Variants in CNTN5 observed in about 807,000 individuals in gnomAD.
The protein encoded by CNTN5 is contactin-5.
A neutral mutation model predicts 129.1 loss-of-function variants in CNTN5; 77 were observed. That is an observed-to-expected ratio of 0.60 (90% CI 0.50 to 0.72). The LOEUF is 0.72. CNTN5 is among the 30% of genes least tolerant of loss of function. The pLI, the probability that CNTN5 is intolerant of heterozygous loss-of-function variation, is 0.00. For missense variants in CNTN5, 1,478 were observed against 1,328.8 expected (o/e 1.11, Z -1.75); for synonymous variants, 509 against 465.6 (o/e 1.09, Z -1.20).
At chr11:99,887,263 G>A (rs562624895) in intron 6 of CNTN5, among the ~76,000 whole-genome samples, 1 of 152,322 alleles carries the variant, frequency 6.6e-6, no homozygotes, top group African/African-American at 2.4e-5. Context: ...TGTGGTCTCT[G>A]CTAATGAGAC....
chr11:99,111,322 G>A (rs1435033598), intron 1 of CNTN5, among the ~76,000 whole-genome samples: 4 of 151,928 alleles, frequency 2.6e-5, no homozygotes, highest in Non-Finnish European at 4.4e-5. Context: ...GTGTGTTTGT[G>A]TATATCCTTG....
intron 1 of CNTN5, among the ~76,000 whole-genome samples, chr11:99,099,123 T>G (rs181786891): frequency 6.6e-6 from 1 of 152,200 alleles, no homozygotes; most frequent in East Asian, 1.9e-4. Context: ...GTCAATTACA[T>G]TGCACAGAAA....
chr11:99,673,466 T>G (rs671478), intron 3 of CNTN5, among the ~76,000 whole-genome samples: 1 of 152,076 alleles, frequency 6.6e-6, no homozygotes, highest in Non-Finnish European at 1.5e-5. Context: ...TTCAGGGATA[T>G]GTGTGCAGGA....
At chr11:99,753,075 G>A (rs566822087) in intron 3 of CNTN5, among the ~76,000 whole-genome samples, 3 of 149,386 alleles carry the variant, frequency 2.0e-5, no homozygotes, top group Admixed American at 6.7e-5. Context: ...GAATGTGTGG[G>A]TCTGAGATCC....
chr11:100,090,556 C>T (rs1025786145), intron 13 of CNTN5, among the ~76,000 whole-genome samples: 15 of 112,010 alleles, frequency 1.3e-4, no homozygotes, highest in Non-Finnish European at 2.0e-4. Flanking sequence ...CCTTCCCTCC[C>T]TCCCTCCCTC....
At chr11:99,320,646 A>C (rs985327053) in intron 1 of CNTN5, among the ~76,000 whole-genome samples, 8 of 152,186 alleles carry the variant, frequency 5.3e-5, no homozygotes, top group African/African-American at 1.9e-4. Context: ...GAAAGGAAAA[A>C]GTATGATGTA....
intron 3 of CNTN5, among the ~76,000 whole-genome samples, chr11:99,568,458 G>C (rs1337067429): frequency 6.6e-6 from 1 of 152,156 alleles, no homozygotes; most frequent in African/African-American, 2.4e-5. Context: ...TTGTTTTACT[G>C]CTTAGCACGA....
intron 13 of CNTN5, among the ~76,000 whole-genome samples, chr11:100,083,317 C>CA (rs71050046): frequency 0.39 from 50,093 of 127,648 alleles, 9,367 homozygotes; most frequent in East Asian, 0.46. Flanking sequence ...AACTCTGTCT[C>CA]AAAAAAAAAA....
intron 7 of CNTN5, among the ~76,000 whole-genome samples, chr11:99,946,853 C>T (rs1297288340): frequency 6.6e-6 from 1 of 151,690 alleles, no homozygotes; most frequent in Non-Finnish European, 1.5e-5. Context: ...TATCAAAATA[C>T]ATTTGCAAAA....
At chr11:99,333,577 A>G (rs1399937909) in intron 2 of CNTN5, among the ~76,000 whole-genome samples, 2 of 152,066 alleles carry the variant, frequency 1.3e-5, no homozygotes, top group Non-Finnish European at 2.9e-5. Context: ...ATAACTTTTA[A>G]TAATGTATTA....
chr11:99,687,714 A>G (rs1953856273), intron 3 of CNTN5, among the ~76,000 whole-genome samples: 1 of 152,204 alleles, frequency 6.6e-6, no homozygotes, highest in Non-Finnish European at 1.5e-5. Context: ...TATAGGGAAC[A>G]TAAGATTCTG....
intron 8 of CNTN5, among the ~76,000 whole-genome samples, chr11:99,993,210 A>G (rs1939232059): frequency 6.6e-6 from 1 of 152,176 alleles, no homozygotes; most frequent in Admixed American, 6.5e-5. Context: ...TACATATAGT[A>G]TGCCTGGACT....
chr11:100,326,320 A>T (rs186413772), intron 21 of CNTN5, among the ~76,000 whole-genome samples: 1 of 152,224 alleles, frequency 6.6e-6, no homozygotes, highest in Middle Eastern at 3.2e-3. Context: ...ACAGAAAAAA[A>T]GTGAACAAAA....
At chr11:100,038,485 T>A (rs932444608) in intron 9 of CNTN5, among the ~76,000 whole-genome samples, 21 of 152,322 alleles carry the variant, frequency 1.4e-4, no homozygotes, top group African/African-American at 4.6e-4. Flanking sequence ...CTGTTAGGTC[T>A]GCTTGGTGCA....
intron 3 of CNTN5, among the ~76,000 whole-genome samples, chr11:99,738,349 A>C (rs1943777346): frequency 6.6e-6 from 1 of 152,180 alleles, no homozygotes; most frequent in African/African-American, 2.4e-5. Context: ...ACCTGTCAAC[A>C]TCTTGATCTT....
chr11:100,341,645 C>CA (rs1331513609), intron 23 of CNTN5, among the ~76,000 whole-genome samples: 1 of 151,980 alleles, frequency 6.6e-6, no homozygotes, highest in Non-Finnish European at 1.5e-5. Context: ...AGAAAGAAAA[C>CA]AAAAAATCCA....
chr11:99,168,320 T>G (rs1860975896), intron 1 of CNTN5, among the ~76,000 whole-genome samples: 1 of 151,808 alleles, frequency 6.6e-6, no homozygotes, highest in Non-Finnish European at 1.5e-5. Context: ...TGCCAGCACT[T>G]TGGGAGGCCG....
intron 13 of CNTN5, among the ~76,000 whole-genome samples, chr11:100,133,331 T>G (rs990235571): frequency 1.3e-5 from 2 of 152,130 alleles, no homozygotes; most frequent in Admixed American, 6.6e-5. Context: ...CTGTTCCATT[T>G]AGGATGTCCA....
chr11:100,234,434 C>T (rs1466661376), intron 16 of CNTN5, among the ~76,000 whole-genome samples: 1 of 152,024 alleles, frequency 6.6e-6, no homozygotes, highest in East Asian at 1.9e-4. Flanking sequence ...GAAAATGTGG[C>T]ATATATACAC....
Sources: gnomAD v4.1 joint callset for allele counts (sites outside exome capture counted in the v4.1 genomes callset) on GRCh38, gnomAD v4.1.1 for gene constraint, MANE v1.5 for transcripts, NCBI Gene and HGNC (gene_info 2026-07-23, HGNC 2026-07-21) for gene names.